Variants in FBN2 observed in about 807,000 individuals in gnomAD.
FBN2 encodes fibrillin 2.
Under a neutral mutation model 355.6 loss-of-function variants are expected in FBN2, and 105 were observed. That is an observed-to-expected ratio of 0.30 (90% confidence interval 0.25 to 0.35). The LOEUF (loss-of-function observed/expected upper bound fraction) is 0.35, where lower values mean the gene tolerates loss of function less well. Ranked by LOEUF, FBN2 falls within the 10% of genes least tolerant of loss-of-function variation. FBN2 has a pLI of 1.00. For missense variants in FBN2, 3,280 were observed against 3,758.7 expected (o/e 0.87, Z 3.33); for synonymous variants, 1,350 against 1,301.2 (o/e 1.04, Z -0.81).
intron 54 of FBN2, among the ~76,000 whole-genome samples, 162 bp downstream of exon 54, chr5:128,287,146 A>G (rs957589408): frequency 1.3e-5 from 2 of 152,220 alleles, no homozygotes; most frequent in Admixed American, 1.3e-4. Flanking sequence ...AAATACCATC[A>G]TGTGTCTTGT....
At chr5:128,420,069 A>G (rs930861207) in intron 7 of FBN2, among the ~76,000 whole-genome samples, 1 of 151,948 alleles carries the variant, frequency 6.6e-6, no homozygotes, top group African/African-American at 2.4e-5. Flanking sequence ...ATGGGGCTGG[A>G]TTTTTTTCTT....
chr5:128,340,835 C>CTATA (rs57207666), intron 25 of FBN2, among the ~76,000 whole-genome samples: 3 of 150,874 alleles, frequency 2.0e-5, no homozygotes, highest in Non-Finnish European at 3.0e-5. Flanking sequence ...CTCTCTCTCT[C>CTATA]TATATATATA....
intron 16 of FBN2, among the ~76,000 whole-genome samples, chr5:128,367,433 G>GT (rs1237122934): frequency 2.0e-5 from 3 of 151,946 alleles, no homozygotes; most frequent in East Asian, 1.9e-4. Context: ...GTACACTGCT[G>GT]TTTTTTCTAT....
chr5:128,486,405 C>A (rs1372191723), intron 5 of FBN2, among the ~76,000 whole-genome samples: 1 of 152,056 alleles, frequency 6.6e-6, no homozygotes. Flanking sequence ...GTCACCATTA[C>A]CATATTAATA....
At chr5:128,484,391 C>T (rs1755278474) in intron 5 of FBN2, among the ~76,000 whole-genome samples, 1 of 152,106 alleles carries the variant, frequency 6.6e-6, no homozygotes, top group Non-Finnish European at 1.5e-5. Flanking sequence ...GAGCAGATAG[C>T]TGAATCATAG....
At chr5:128,441,103 G>T (rs1204641562) in intron 7 of FBN2, among the ~76,000 whole-genome samples, 1 of 152,014 alleles carries the variant, frequency 6.6e-6, no homozygotes, top group African/African-American at 2.4e-5. Flanking sequence ...TGAAGGTCAA[G>T]GCTCTGTATT....
At chr5:128,288,298 CA>C in intron 53 of FBN2, 139 bp downstream of exon 53, 6 of 907,434 alleles carry the variant, frequency 6.6e-6, no homozygotes, top group Non-Finnish European at 1.0e-5. Context: ...ACCAACCAAC[CA>C]AACAAAAAAC....
At chr5:128,368,714 G>A (rs910341268) in intron 16 of FBN2, among the ~76,000 whole-genome samples, 2 of 150,780 alleles carry the variant, frequency 1.3e-5, no homozygotes, top group Non-Finnish European at 3.0e-5. Flanking sequence ...CTGTTACTCA[G>A]GCTGGAGTGG....
At chr5:128,484,431 T>G (rs572376181) in intron 5 of FBN2, among the ~76,000 whole-genome samples, 1 of 152,304 alleles carries the variant, frequency 6.6e-6, no homozygotes, top group African/African-American at 2.4e-5. Context: ...CCATAAATAA[T>G]TAATGCCAAT....
rs1204352245 is a variant in FBN2 at position 128,342,058 on chromosome 5, G to T, written c.3343+2327C>A. 2.0e-5 allele frequency among the ~76,000 whole-genome samples: 3 copies of T among 152,086 alleles called. No individual in the cohort carries two copies. The East Asian group carries it at 5.8e-4, about 29-fold the overall frequency. On this transcript the variant is annotated intron_variant, in intron 25 of 64. Transcript: ENST00000262464. ...AAACAAAGACAAACTTTCCAGATGGGAAGTTATAAATGTGGGAGTGAAACT... is the reference window on the plus strand; with the variant it reads ...AAACAAAGACAAACTTTCCAGATGGTAAGTTATAAATGTGGGAGTGAAACT...
chr5:128,445,907 T>C (rs1381161816), intron 7 of FBN2, among the ~76,000 whole-genome samples: 1 of 152,164 alleles, frequency 6.6e-6, no homozygotes, highest in African/African-American at 2.4e-5. Context: ...TAATCCATAT[T>C]TAATATTGCA....
chr5:128,337,471 T>C (rs1334976890), intron 27 of FBN2, among the ~76,000 whole-genome samples: 1 of 152,202 alleles, frequency 6.6e-6, no homozygotes, highest in Non-Finnish European at 1.5e-5. Context: ...AAGCAATAGG[T>C]TGCAACGCCC....
intron 24 of FBN2, 95 bp downstream of exon 24, chr5:128,345,262 G>T: frequency 1.0e-6 from 1 of 1,000,330 alleles, no homozygotes. Context: ...AAATAAAGTG[G>T]GAAGTCAAAC....
chr5:128,355,779 G>C lies in FBN2; in HGVS notation c.2674+1497C>G, dbSNP rs1445779515. On this transcript the variant is annotated intron_variant, in intron 20 of 64. Transcript: ENST00000262464. ...TCTCATTTTGAGCTGCTCTACACTGGGATATTCAAATTTAATCACAATAAA... is the reference window on the plus strand; with the variant it reads ...TCTCATTTTGAGCTGCTCTACACTGCGATATTCAAATTTAATCACAATAAA... 2.0e-5 allele frequency among the ~76,000 whole-genome samples: 3 copies of C among 151,998 alleles called. No individual in the cohort carries two copies. In the East Asian group the frequency reaches 5.8e-4, roughly 29 times the overall value.
In FBN2 at chr5:128,312,645, G is replaced by A. The variant is rs1248778130; in HGVS notation, c.4868C>T (p.Pro1623Leu). 1 of 1,613,864 alleles carries A rather than the reference G, an allele frequency of 6.2e-7. No homozygotes were observed. Among genetic ancestry groups the A allele is most frequent in the Admixed American group, 1.7e-5 (1 of 60,004 alleles). Residue 1623 changes from proline (P) to leucine (L), a missense_variant, in exon 37 of 65, where the codon CCT becomes CTT. Coordinates refer to ENST00000262464, the MANE Select transcript of FBN2 (RefSeq NM_001999.4). ...AGCTTTGTACTTACTGCTATTGACA[G>A]GGGGGCATGTCTCACAGGGGTTTCC... The part of the protein sequence containing the change: ...AWGNPCETCP[P>L]VNSTEYYTLC...
Position 128,263,558 on chromosome 5 carries a change from C to G in FBN2, c.8059G>C (p.Asp2687His), listed in dbSNP as rs755599061. ...TCGTGGCAGGCACTGGAGAACTGGT[C>G]GAAGGAGAACCCCGAGGGGCAGGCG... ...KCACPSGFSFDQFSSACHDVN... is the reference protein window; with the variant it reads ...KCACPSGFSFHQFSSACHDVN... Residue 2687 changes from aspartate to histidine, a missense_variant, in exon 63 of 65, where the codon GAC becomes CAC. By Grantham distance (81) the Asp-to-His change is moderately conservative. Coordinates refer to ENST00000262464, the MANE Select transcript of FBN2 (RefSeq NM_001999.4). 6.2e-7 allele frequency: 1 copy of G among 1,614,032 alleles called. No homozygotes were observed. The highest frequency in any genetic ancestry group is 8.5e-7 in the Non-Finnish European group (1 of 1,180,002).
At chr5:128,344,655 G>T in intron 24 of FBN2, 145 bp from the exon 25 acceptor site, 1 of 724,214 alleles carries the variant, frequency 1.4e-6, no homozygotes. Context: ...TGATCACACT[G>T]ATATCACACA....
At chr5:128,535,524 G>A (rs1221843862) in intron 2 of FBN2, among the ~76,000 whole-genome samples, 1 of 152,104 alleles carries the variant, frequency 6.6e-6, no homozygotes, top group Non-Finnish European at 1.5e-5. Flanking sequence ...GACAAATGTG[G>A]TTGTGCTACA....
At chr5:128,463,513 C>G (rs182051938) in intron 6 of FBN2, among the ~76,000 whole-genome samples, 1 of 151,992 alleles carries the variant, frequency 6.6e-6, no homozygotes, top group Non-Finnish European at 1.5e-5. Flanking sequence ...CTCCGTAGTT[C>G]GGATTCAAAA....
Sources: gnomAD v4.1 joint callset for allele counts (sites outside exome capture counted in the v4.1 genomes callset) on GRCh38, gnomAD v4.1.1 for gene constraint, MANE v1.5 for transcripts, NCBI Gene and HGNC (gene_info 2026-07-23, HGNC 2026-07-21) for gene names.